Variants in HIVEP1 observed in about 807,000 individuals in gnomAD.
HIVEP1 encodes the protein HIVEP zinc finger 1.
In HIVEP1, 36 loss-of-function variants were observed where a neutral mutation model predicts 180.0. The ratio of observed to expected loss-of-function variants is 0.20; its 90% CI spans 0.15 to 0.26. The LOEUF (loss-of-function observed/expected upper bound fraction) is 0.26, where lower values mean the gene tolerates loss of function less well. Among genes scored for constraint, HIVEP1 ranks in the 10% least tolerant of loss-of-function variants. HIVEP1 has a pLI of 1.00. For missense variants in HIVEP1, 3,143 were observed against 3,268.7 expected (o/e 0.96, Z 0.94); for synonymous variants, 1,239 against 1,239.0 (o/e 1.00, Z 0.00).
intron 2 of HIVEP1, among the ~76,000 whole-genome samples, chr6:12,051,713 GTA>G (rs34138717): frequency 0.25 from 37,656 of 151,706 alleles, 5,174 homozygotes; most frequent in Admixed American, 0.33. Flanking sequence ...ACATGAATGG[GTA>G]TTACTAAAAT....
chr6:12,121,170 A>G lies in HIVEP1; in HGVS notation c.1375A>G (p.Thr459Ala). The change falls in exon 4 of 9, where the codon ACT (threonine) becomes GCT (alanine). Residue 459 changes from threonine to alanine, a missense_variant. By Grantham distance (58) the Thr-to-Ala change is moderately conservative. This residue lies in a region of HIVEP1 where 365 missense variants were observed against 344.4 expected (regional missense o/e 1.06). Transcript: ENST00000379388. This position sits in a 1 kb window ranked among gnomAD's most constrained non-coding sequence, Gnocchi z 5.3. ...LYKHKKSHAH[T>A]IKLGLVLQPD... is the part of the protein sequence containing the mutation. ...TAAGCACAAGAAATCCCACGCACAT[A>G]CTATCAAACTGGGTCTTGTCTTGCA... 6.2e-7 allele frequency: 1 copy of G among 1,614,108 alleles called. No homozygotes were observed. Among genetic ancestry groups the G allele is most frequent in the Non-Finnish European group, 8.5e-7 (1 of 1,180,026 alleles).
chr6:12,086,909 A>T (rs1159041815), intron 2 of HIVEP1, among the ~76,000 whole-genome samples: 1 of 152,140 alleles, frequency 6.6e-6, no homozygotes, highest in Non-Finnish European at 1.5e-5. Flanking sequence ...CTTTCTTTGT[A>T]ATTTTGGAGA....
chr6:12,178,349 G>A, the HIVEP1 span, among the ~76,000 whole-genome samples: 1 of 152,204 alleles, frequency 6.6e-6, no homozygotes, highest in Non-Finnish European at 1.5e-5. Context: ...AACACTTTGA[G>A]AGACCGAGGT....
chr6:12,051,834 A>G lies in HIVEP1; in HGVS notation c.40+36166A>G, dbSNP rs142527705. Among the ~76,000 whole-genome samples, 533 of 152,266 alleles carry G rather than the reference A, an allele frequency of 3.5e-3. 5 individuals carry two copies. Among genetic ancestry groups the G allele is most frequent in the African/African-American group, 0.012 (507 of 41,546 alleles). On this transcript the variant is annotated intron_variant, in intron 2 of 8. Transcript: ENST00000379388. ...TTACTTTTAGTCAGCTTCTCTTTCCATATTTACACTTGTCCATAATTATAC... is the reference window on the plus strand; with the variant it reads ...TTACTTTTAGTCAGCTTCTCTTTCCGTATTTACACTTGTCCATAATTATAC...
Position 12,161,698 on chromosome 6 carries a change from G to A in HIVEP1, c.6747G>A (p.Leu2249=), listed in dbSNP as rs765426817. The A allele has an allele frequency of 6.2e-7, 1 of 1,614,156 alleles. No homozygotes were observed. Among genetic ancestry groups the A allele is most frequent in the South Asian group, 1.1e-5 (1 of 91,088 alleles). Residue 2249 remains leucine, a synonymous_variant, in exon 8 of 9, where the codon CTG becomes CTA. Transcript: ENST00000379388. ...TACACACGGACCCAATGGACGTTCT[G>A]CCCAGGGCGCTGCTCACCAGAATGA... ...SGVHTDPMDV[L]PRALLTRMTV... is the part of the protein sequence containing the mutation.
In HIVEP1 at chr6:12,164,245, G is replaced by A; in HGVS notation, c.7941G>A (p.Lys2647=). 1.2e-6 allele frequency: 2 copies of A among 1,614,150 alleles called. No individual in the cohort carries two copies. The highest frequency in any genetic ancestry group is 1.1e-5 in the South Asian group (1 of 91,084). ...CCTCGGCAAATCACGTGAAGCCCAA[G>A]CCTGAACTCACTTCCATACAGGGCC... is the stretch of plus-strand genomic sequence containing the variant. ...KAASANHVKP[K]PELTSIQGQP... The change falls in exon 9 of 9, where the codon AAG becomes AAA. Residue 2647 remains lysine, a synonymous_variant. Transcript: ENST00000379388.
At chr6:12,154,331 C>T (rs1323342137) in intron 7 of HIVEP1, among the ~76,000 whole-genome samples, 1 of 152,156 alleles carries the variant, frequency 6.6e-6, no homozygotes, top group Non-Finnish European at 1.5e-5. Context: ...TTACGTGCAG[C>T]GTGTGCCATT....
At chr6:12,119,818 A>G in intron 3 of HIVEP1, 72 bp from the exon 4 acceptor site, 1 of 997,456 alleles carries the variant, frequency 1.0e-6, no homozygotes, top group Non-Finnish European at 1.5e-6. Context: ...TAGTAATCTT[A>G]ATTTTCAAAA....
In HIVEP1 at chr6:12,122,296, T is replaced by C. The variant is rs764171296; in HGVS notation, c.2501T>C (p.Leu834Ser). The change falls in exon 4 of 9, where the codon TTA becomes TCA. Residue 834 changes from leucine to serine, a missense_variant. Transcript: ENST00000379388. ...CTGTCTGTACCTTCACTTGACTGTT[T>C]ACCTATCACAAGAAGTAATTCCATG... Reference protein sequence around the residue: ...FLLSVPSLDCLPITRSNSMPT... With the variant: ...FLLSVPSLDCSPITRSNSMPT... 1.2e-6 allele frequency: 2 copies of C among 1,614,240 alleles called. No homozygotes were observed. The highest frequency in any genetic ancestry group is 1.7e-6 in the Non-Finnish European group (2 of 1,180,024).
intron 1 of HIVEP1, among the ~76,000 whole-genome samples, chr6:12,013,008 G>A (rs2113551802): frequency 6.6e-6 from 1 of 152,264 alleles, no homozygotes; most frequent in African/African-American, 2.4e-5. Context: ...GGAAGGGGGC[G>A]GTGGGTTGGG....
the HIVEP1 span, among the ~76,000 whole-genome samples, chr6:12,193,966 T>C: frequency 6.6e-6 from 1 of 152,230 alleles, no homozygotes; most frequent in Admixed American, 6.5e-5. Context: ...ATAGGTAGCA[T>C]GAATAGCTTT....
chr6:12,144,325 A>G (rs991593721), intron 7 of HIVEP1, among the ~76,000 whole-genome samples: 9 of 152,254 alleles, frequency 5.9e-5, no homozygotes, highest in Non-Finnish European at 1.3e-4. Context: ...CTGGCTAGCC[A>G]TATGTAGAAA....
intron 2 of HIVEP1, among the ~76,000 whole-genome samples, chr6:12,043,107 CTT>C (rs1295592589): frequency 3.9e-5 from 6 of 152,194 alleles, no homozygotes; most frequent in Admixed American, 6.5e-5. Flanking sequence ...GTGCTATACT[CTT>C]TTGACAACAG....
Position 12,123,363 on chromosome 6 carries a change from G to C in HIVEP1, c.3568G>C (p.Gly1190Arg), listed in dbSNP as rs373484085. 29 of 1,614,008 alleles carry C rather than the reference G, an allele frequency of 1.8e-5. No homozygotes were observed. The highest frequency in any genetic ancestry group is 2.3e-5 in the Non-Finnish European group (27 of 1,180,020). Residue 1190 changes from glycine (G) to arginine (R), a missense_variant, in exon 4 of 9, where the codon GGG (glycine) becomes CGG (arginine). By Grantham distance (125) the Gly-to-Arg change is moderately radical. Around this residue, in one of 12 missense-constraint regions of HIVEP1, gnomAD observed 1,357 missense variants for 1,260.5 expected, o/e 1.08. Coordinates refer to ENST00000379388, the MANE Select transcript of HIVEP1 (RefSeq NM_002114.4). ...AGAGGAAAGTCACCCTTCTCGGGACGGGTCTCATCCTCACCAGCTTGCACT... is the reference window on the plus strand; with the variant it reads ...AGAGGAAAGTCACCCTTCTCGGGACCGGTCTCATCCTCACCAGCTTGCACT... ...SQEESHPSRD[G>R]SHPHQLALSD...
At chr6:12,047,017 C>T (rs1038093540) in intron 2 of HIVEP1, among the ~76,000 whole-genome samples, 9 of 151,800 alleles carry the variant, frequency 5.9e-5, no homozygotes, top group East Asian at 2.0e-4. Context: ...TCCACCACCA[C>T]GCCTGGCTAA....
rs764813557 is a variant in HIVEP1, at chr6:12,121,769, G to T, written c.1974G>T (p.Gln658His). ...RQQATDYSQEQQGKLLSPRSL... is the reference protein window; with the variant it reads ...RQQATDYSQEHQGKLLSPRSL... ...AGGCTACCGATTACTCCCAAGAGCA[G>T]CAAGGAAAGCTCCTGAGTCCTCGAA... Residue 658 changes from glutamine (Q) to histidine (H), a missense_variant, in exon 4 of 9, where the codon CAG becomes CAT. By Grantham distance (24) the Gln-to-His change is conservative (BLOSUM62 0). Coordinates refer to ENST00000379388, the MANE Select transcript of HIVEP1 (RefSeq NM_002114.4). This position sits in a 1 kb window ranked among gnomAD's most constrained non-coding sequence, Gnocchi z 5.3. 2.5e-6 allele frequency: 4 copies of T among 1,614,042 alleles called. No individual in the cohort carries two copies. The highest frequency in any genetic ancestry group is 3.4e-6 in the Non-Finnish European group (4 of 1,180,036).
intron 3 of HIVEP1, among the ~76,000 whole-genome samples, chr6:12,107,849 C>G (rs1036629877): frequency 2.0e-5 from 3 of 152,126 alleles, no homozygotes; most frequent in African/African-American, 7.2e-5. Context: ...ATTGGTAGAG[C>G]TGAGGGGTGT....
At chr6:12,093,292 G>A (rs1773593848) in intron 3 of HIVEP1, among the ~76,000 whole-genome samples, 1 of 151,674 alleles carries the variant, frequency 6.6e-6, no homozygotes, top group Non-Finnish European at 1.5e-5. Context: ...TTCATTTTAT[G>A]TGCTTTATTT....
At chr6:12,013,273 G>GC (rs1767508802) in intron 1 of HIVEP1, among the ~76,000 whole-genome samples, 1 of 152,174 alleles carries the variant, frequency 6.6e-6, no homozygotes, top group Non-Finnish European at 1.5e-5. Context: ...GTTTTCCCAG[G>GC]CTCCGCCCTC....
Sources: gnomAD v4.1 joint callset for allele counts (sites outside exome capture counted in the v4.1 genomes callset) on GRCh38, gnomAD v4.1.1 for gene constraint, gnomAD v4.1.1 regional missense constraint, Gnocchi (gnomAD v3.1) non-coding constraint, MANE v1.5 for transcripts, NCBI Gene and HGNC (gene_info 2026-07-23, HGNC 2026-07-21) for gene names.